ATXN7L1: variants seen among roughly 807,000 people sequenced by gnomAD.
ATXN7L1 encodes the protein ataxin-7-like protein 1.
ATXN7L1 carries 15 observed loss-of-function variants against 70.8 expected under a neutral mutation model. The observed-to-expected ratio is 0.21, with a 90% CI of 0.14 to 0.33. ATXN7L1 has a LOEUF of 0.33. Among genes scored for constraint, ATXN7L1 ranks in the 10% least tolerant of loss-of-function variants. The pLI is 1.00. For missense variants in ATXN7L1, 975 were observed against 1,097.1 expected, an observed-to-expected ratio of 0.89 and a Z score of 1.57; for synonymous variants, 440 against 445.1, an observed-to-expected ratio of 0.99 and a Z score of 0.14.
intron 4 of ATXN7L1, chr7:105,649,517 G>C (rs749385450): frequency 1.0e-6 from 1 of 987,668 alleles, no homozygotes; most frequent in East Asian, 1.1e-4. Context: ...AAGAAACATG[G>C]TTCTCTTGGC....
rs1236759083 is a variant in ATXN7L1 at position 105,733,834 on chromosome 7, C to G, written c.355+54770G>C. On this transcript the variant is annotated intron_variant, in intron 3 of 11. Coordinates refer to ENST00000419735, the MANE Select transcript of ATXN7L1 (RefSeq NM_020725.2). ...ACCACCCATCCATCCACCCCTCCAT[C>G]CGTCCACCCATCCATCCATCCATCC... Among the ~76,000 whole-genome samples, 136 of 84,374 alleles carry G rather than the reference C, an allele frequency of 1.6e-3. 1 individual carries two copies. Among genetic ancestry groups the G allele is most frequent in the Admixed American group, 1.8e-3 (14 of 7,730 alleles). 55.4% of individuals were successfully genotyped at this position (84,374 alleles called of 152,430 possible). A position where few individuals can be genotyped will look rare whatever the true frequency, so the allele number is the denominator to read the frequency against.
chr7:105,745,755 G>C (rs35965935), intron 3 of ATXN7L1, among the ~76,000 whole-genome samples: 51,963 of 152,092 alleles, frequency 0.34, 9,150 homozygotes, highest in Admixed American at 0.4. Context: ...CTTACTCTCT[G>C]TTTACCCAGA....
chr7:105,874,751 T>G (rs1015803911), intron 2 of ATXN7L1, among the ~76,000 whole-genome samples: 3 of 152,252 alleles, frequency 2.0e-5, no homozygotes, highest in Non-Finnish European at 2.9e-5. Context: ...TGTTGATTCA[T>G]AAAATGAGTT....
chr7:105,682,898 T>C (rs1252786342), intron 3 of ATXN7L1, among the ~76,000 whole-genome samples: 1 of 152,348 alleles, frequency 6.6e-6, no homozygotes, highest in East Asian at 1.9e-4. Context: ...ATGTACTAAA[T>C]GTCACTGAAT....
chr7:105,765,453 T>C (rs1801127490), intron 3 of ATXN7L1, among the ~76,000 whole-genome samples: 1 of 152,156 alleles, frequency 6.6e-6, no homozygotes, highest in African/African-American at 2.4e-5. Context: ...AAAGCAGATG[T>C]AGCAAACACA....
chr7:105,745,318 A>T (rs965493222), intron 3 of ATXN7L1, among the ~76,000 whole-genome samples: 1 of 152,178 alleles, frequency 6.6e-6, no homozygotes, highest in African/African-American at 2.4e-5. Flanking sequence ...ACTTTTCGGT[A>T]AGTTTGAAAT....
intron 2 of ATXN7L1, among the ~76,000 whole-genome samples, chr7:105,807,801 C>T (rs1195138243): frequency 1.3e-5 from 2 of 152,152 alleles, no homozygotes; most frequent in Non-Finnish European, 2.9e-5. Flanking sequence ...TGAGGGAGGG[C>T]CTCTTTGACC....
At chr7:105,727,124 G>A (rs1267370284) in intron 3 of ATXN7L1, among the ~76,000 whole-genome samples, 1 of 152,094 alleles carries the variant, frequency 6.6e-6, no homozygotes, top group African/African-American at 2.4e-5. Context: ...ATACCAATGG[G>A]CAATTTGACA....
At chr7:105,740,783 TTA>T (rs1797914617) in intron 3 of ATXN7L1, among the ~76,000 whole-genome samples, 1 of 62,278 alleles carries the variant, frequency 1.6e-5, no homozygotes, top group Non-Finnish European at 2.7e-5. Flanking sequence ...TTTTTTTTTT[TTA>T]ATGGAGTCTC....
At chr7:105,653,024 T>C (rs189219913) in intron 4 of ATXN7L1, among the ~76,000 whole-genome samples, 1 of 152,368 alleles carries the variant, frequency 6.6e-6, no homozygotes, top group African/African-American at 2.4e-5. Context: ...CACATTTTCT[T>C]TTTAAACCCT....
chr7:105,651,275 TAA>T (rs902394519), intron 4 of ATXN7L1, among the ~76,000 whole-genome samples: 2 of 152,144 alleles, frequency 1.3e-5, no homozygotes, highest in African/African-American at 4.8e-5. Flanking sequence ...ATGAAGATAA[TAA>T]GAGATATTTG....
chr7:105,679,212 G>T, intron 3 of ATXN7L1: 1 of 914,048 alleles, frequency 1.1e-6, no homozygotes, highest in Non-Finnish European at 1.3e-6. Flanking sequence ...CGAGATTAGG[G>T]AAAGGCAGAA....
intron 2 of ATXN7L1, among the ~76,000 whole-genome samples, chr7:105,822,972 G>A (rs1193011563): frequency 6.6e-6 from 1 of 151,990 alleles, no homozygotes. Flanking sequence ...CATACTCTTG[G>A]GTTCCAGCTC....
chr7:105,751,040 T>C (rs1799155106), intron 3 of ATXN7L1, among the ~76,000 whole-genome samples: 2 of 152,330 alleles, frequency 1.3e-5, no homozygotes, highest in Middle Eastern at 6.8e-3. Context: ...ATTAGAATGA[T>C]GAATGTATCT....
chr7:105,744,744 T>TTC (rs1330154892), intron 3 of ATXN7L1, among the ~76,000 whole-genome samples: 6 of 149,006 alleles, frequency 4.0e-5, no homozygotes, highest in Admixed American at 4.0e-4. Flanking sequence ...ACTTTTTTTT[T>TTC]TTTTTTTTTT....
At chr7:105,675,633 A>G (rs1265327120) in intron 3 of ATXN7L1, among the ~76,000 whole-genome samples, 1 of 150,194 alleles carries the variant, frequency 6.7e-6, no homozygotes, top group African/African-American at 2.4e-5. Context: ...CAAAAAAAAG[A>G]AAAAAAAAAG....
At chr7:105,739,444 T>C (rs1040739847) in intron 3 of ATXN7L1, among the ~76,000 whole-genome samples, 2 of 152,104 alleles carry the variant, frequency 1.3e-5, no homozygotes, top group African/African-American at 2.4e-5. Flanking sequence ...TGTGGCTTAG[T>C]TGGTTTGGGG....
At chr7:105,678,782 C>T (rs1805106445) in intron 3 of ATXN7L1, among the ~76,000 whole-genome samples, 1 of 152,142 alleles carries the variant, frequency 6.6e-6, no homozygotes, top group Non-Finnish European at 1.5e-5. Flanking sequence ...CTGGTGCCTC[C>T]AGAAGGGCTG....
At chr7:105,776,459 TC>T (rs1203459725) in intron 3 of ATXN7L1, among the ~76,000 whole-genome samples, 2 of 150,802 alleles carry the variant, frequency 1.3e-5, no homozygotes, top group African/African-American at 4.9e-5. Context: ...CTTCCAAGAT[TC>T]TTTTTTTTTT....
Sources: allele counts gnomAD v4.1 joint callset (sites outside exome capture counted in the v4.1 genomes callset), GRCh38; gene constraint gnomAD v4.1.1; transcripts MANE v1.5; gene names NCBI Gene and HGNC (gene_info 2026-07-23, HGNC 2026-07-21).